The following MTUS2 variants were observed in gnomAD, a reference collection of about 807,000 sequenced individuals.
MTUS2 encodes the protein microtubule-associated tumor suppressor candidate 2.
MTUS2 carries 40 observed loss-of-function variants against 114.1 expected under a neutral mutation model. That is an observed-to-expected ratio of 0.35 (90% CI 0.27 to 0.46). The LOEUF is 0.46. MTUS2 is among the 20% of genes least tolerant of loss of function. MTUS2 has a pLI of 1.00. For synonymous variants in MTUS2, 688 were observed against 672.0 expected (o/e 1.02, Z -0.37); for missense variants, 1,679 against 1,705.4 (o/e 0.98, Z 0.27).
intron 9 of MTUS2, among the ~76,000 whole-genome samples, chr13:29,455,533 T>C (rs1214413064): frequency 6.6e-6 from 1 of 152,152 alleles, no homozygotes; most frequent in Non-Finnish European, 1.5e-5. Context: ...GTAAGTTAAC[T>C]GCCTGCCAGA....
chr13:29,239,709 A>G (rs780092929), intron 5 of MTUS2: 2 of 152,210 alleles, frequency 1.3e-5, no homozygotes. Context: ...ATCTGAAATG[A>G]GGGAGATGCA....
In MTUS2 at chr13:28,905,069, T is replaced by G. The variant is rs890846081; in HGVS notation, c.-243+65219T>G. Among the ~76,000 whole-genome samples, 35 of 151,440 alleles carry G rather than the reference T, an allele frequency of 2.3e-4. No homozygotes were observed. In the East Asian group the frequency reaches 2.7e-3, roughly 12 times the overall value. ...GGCTCTCTGTTTGCCTGTTATTGGT[T>G]TATAAGAATGCTTGTGATTTTTGTA... On this transcript the variant is annotated intron_variant, in intron 2 of 15. Coordinates refer to ENST00000612955, the MANE Select transcript of MTUS2 (RefSeq NM_001033602.4).
intron 2 of MTUS2, among the ~76,000 whole-genome samples, chr13:28,938,547 T>TTA (rs140134384): frequency 0.14 from 20,571 of 151,974 alleles, 1,499 homozygotes; most frequent in South Asian, 0.21. Context: ...TTTTTAGGGG[T>TTA]TATAGTCTGG....
At chr13:29,003,746 C>T (rs1431413079) in intron 2 of MTUS2, among the ~76,000 whole-genome samples, 1 of 152,054 alleles carries the variant, frequency 6.6e-6, no homozygotes, top group Non-Finnish European at 1.5e-5. Context: ...TGGATGATAC[C>T]CGGGTGATAG....
At chr13:29,455,079 G>A (rs1879006679) in intron 9 of MTUS2, among the ~76,000 whole-genome samples, 1 of 152,360 alleles carries the variant, frequency 6.6e-6, no homozygotes, top group South Asian at 2.1e-4. Context: ...CTGGGCGTGG[G>A]AGGTGTCCAG....
chr13:28,965,872 C>A (rs1883559115), intron 2 of MTUS2, among the ~76,000 whole-genome samples: 1 of 152,096 alleles, frequency 6.6e-6, no homozygotes, highest in Non-Finnish European at 1.5e-5. Context: ...CAGCTTTTCT[C>A]AAACTCTACT....
intron 9 of MTUS2, among the ~76,000 whole-genome samples, chr13:29,468,585 T>TACAC (rs59451142): frequency 0.018 from 2,580 of 146,818 alleles, 71 homozygotes; most frequent in African/African-American, 0.054. Flanking sequence ...TGTCTCAAAA[T>TACAC]ACACACACAC....
At chr13:29,445,091 A>C (rs1313742589) in intron 9 of MTUS2, among the ~76,000 whole-genome samples, 1 of 152,222 alleles carries the variant, frequency 6.6e-6, no homozygotes, top group Non-Finnish European at 1.5e-5. Flanking sequence ...TGTAGTTTGC[A>C]TAGTGCCCTC....
chr13:28,945,938 T>G (rs1882502992), intron 2 of MTUS2, among the ~76,000 whole-genome samples: 1 of 152,154 alleles, frequency 6.6e-6, no homozygotes, highest in African/African-American at 2.4e-5. Flanking sequence ...CTTTTGAAAA[T>G]GTATGTAGTG....
At chr13:28,922,901 C>G (rs1185127309) in intron 2 of MTUS2, among the ~76,000 whole-genome samples, 1 of 152,290 alleles carries the variant, frequency 6.6e-6, no homozygotes, top group African/African-American at 2.4e-5. Flanking sequence ...GGCCATCTTG[C>G]TCTGTTCCAC....
At chr13:28,857,475 G>A (rs1198844714) in intron 2 of MTUS2, among the ~76,000 whole-genome samples, 1 of 152,180 alleles carries the variant, frequency 6.6e-6, no homozygotes, top group Non-Finnish European at 1.5e-5. Flanking sequence ...GTGGAGTGGG[G>A]TATCCAGGAA....
rs776988714 is a variant in MTUS2, at chr13:29,384,096, GA to G, written c.3117+24631del. Among the ~76,000 whole-genome samples the G allele has an allele frequency of 2.0e-5, 3 of 151,926 alleles. No individual in the cohort carries two copies. The South Asian group carries it at 6.2e-4, about 32-fold the overall frequency. ...GCATTCAGCAAAATCCCCAAAGGGA[GA>G]AAAAAAATCTGTAGTTATTTATAAA... is the stretch of plus-strand genomic sequence containing the variant. On this transcript the variant is annotated intron_variant, in intron 8 of 15. Coordinates refer to ENST00000612955, the MANE Select transcript of MTUS2 (RefSeq NM_001033602.4).
At chr13:29,487,747 C>A in intron 10 of MTUS2, 153 bp from the exon 11 acceptor site, 1 of 662,062 alleles carries the variant, frequency 1.5e-6, no homozygotes, top group Non-Finnish European at 2.7e-6. Flanking sequence ...CCGAGGGCTG[C>A]CACATCACCA....
chr13:28,962,197 G>A lies in MTUS2; in HGVS notation c.-242-62260G>A, dbSNP rs538178915. On this transcript the variant is annotated intron_variant, in intron 2 of 15. Coordinates refer to ENST00000612955, the MANE Select transcript of MTUS2 (RefSeq NM_001033602.4). ...TGTACTAGCTTACATGATGGGAAAA[G>A]CGTGTATGTGTATATATATGATTCT... 1.1e-4 allele frequency among the ~76,000 whole-genome samples: 17 copies of A among 151,930 alleles called. No homozygotes were observed. The South Asian group carries it at 3.5e-3, about 32-fold the overall frequency.
At chr13:29,418,712 A>G (rs748078518) in intron 8 of MTUS2, among the ~76,000 whole-genome samples, 4 of 152,204 alleles carry the variant, frequency 2.6e-5, no homozygotes, top group Non-Finnish European at 4.4e-5. Flanking sequence ...TCTGACTTAC[A>G]TAGAAGAAGG....
intron 5 of MTUS2, among the ~76,000 whole-genome samples, chr13:29,127,243 C>T (rs747447269): frequency 2.0e-5 from 3 of 152,180 alleles, no homozygotes; most frequent in South Asian, 4.1e-4. Flanking sequence ...TCCTTCCACA[C>T]TCCCTGGATT....
intron 3 of MTUS2, among the ~76,000 whole-genome samples, chr13:29,031,406 CTATA>C (rs1010954097): frequency 2.7e-5 from 4 of 147,746 alleles, no homozygotes; most frequent in Admixed American, 1.4e-4. Context: ...CACATAATCT[CTATA>C]TATATATATA....
intron 2 of MTUS2, among the ~76,000 whole-genome samples, chr13:28,857,901 C>G (rs759290650): frequency 2.0e-4 from 30 of 152,164 alleles, no homozygotes; most frequent in Non-Finnish European, 3.2e-4. Flanking sequence ...GCTACATGCC[C>G]TGAGTCCTGG....
chr13:29,442,385 A>G (rs927033233), intron 9 of MTUS2, among the ~76,000 whole-genome samples: 2 of 152,286 alleles, frequency 1.3e-5, no homozygotes, highest in South Asian at 2.1e-4. Flanking sequence ...AGAAAACAAT[A>G]TATTTTTGTT....
Sources: allele counts gnomAD v4.1 joint callset (sites outside exome capture counted in the v4.1 genomes callset), GRCh38; gene constraint gnomAD v4.1.1; transcripts MANE v1.5; gene names NCBI Gene and HGNC (gene_info 2026-07-23, HGNC 2026-07-21).